The following CRADD variants were observed in gnomAD, a reference collection of about 807,000 sequenced individuals.
CRADD encodes the protein CARD and death domain containing adaptor protein, also known as death domain-containing protein CRADD.
A neutral mutation model predicts 15.5 loss-of-function variants in CRADD; 9 were observed. That is an observed-to-expected ratio of 0.58 (90% confidence interval 0.35 to 1.01). CRADD has a LOEUF of 1.01. CRADD is among the 50% of genes least tolerant of loss of function. The probability of loss-of-function intolerance (pLI) is 0.02; values close to 1 mark genes in which losing one functional copy is unlikely to be tolerated. For missense variants in CRADD, 227 were observed against 250.3 expected, an observed-to-expected ratio of 0.91 and a Z score of 0.63; for synonymous variants, 118 against 107.6, an observed-to-expected ratio of 1.10 and a Z score of -0.60.
At chr12:93,813,014 C>A (rs1164574945) in intron 2 of CRADD, among the ~76,000 whole-genome samples, 3 of 151,926 alleles carry the variant, frequency 2.0e-5, no homozygotes, top group Middle Eastern at 6.3e-3. Flanking sequence ...CAAATTAGTG[C>A]GGGAAGAAAA....
At chr12:93,739,675 G>A (rs1191855943) in intron 2 of CRADD, among the ~76,000 whole-genome samples, 3 of 152,056 alleles carry the variant, frequency 2.0e-5, no homozygotes, top group Admixed American at 6.5e-5. Context: ...TTTTGAAATG[G>A]GGAAAGGGAA....
At chr12:93,886,162 C>CATTTTTTTTTTTTTTTTTTTT (rs1555231623) in intron 2 of CRADD, among the ~76,000 whole-genome samples, 1 of 123,948 alleles carries the variant, frequency 8.1e-6, no homozygotes, top group African/African-American at 3.0e-5. Flanking sequence ...GCTGCTGATG[C>CATTTTTTTTTTTTTTTTTTTT]TTTTTTTTTT....
downstream of CRADD, among the ~76,000 whole-genome samples, chr12:93,852,780 G>A (rs1212408118): frequency 6.6e-6 from 1 of 152,060 alleles, no homozygotes; most frequent in East Asian, 1.9e-4. Flanking sequence ...AGCATTTGCC[G>A]GCACTGACAG....
At chr12:93,892,312 T>G (rs1437866015) in intron 2 of CRADD, among the ~76,000 whole-genome samples, 1 of 152,228 alleles carries the variant, frequency 6.6e-6, no homozygotes, top group Non-Finnish European at 1.5e-5. Flanking sequence ...AATTTTCACT[T>G]AAAAATATTG....
At chr12:93,718,837 G>A (rs1277910827) in intron 2 of CRADD, among the ~76,000 whole-genome samples, 1 of 151,514 alleles carries the variant, frequency 6.6e-6, no homozygotes, top group Admixed American at 6.6e-5. Context: ...ATGGCTCACT[G>A]CAGCCTTGAT....
intron 1 of CRADD, among the ~76,000 whole-genome samples, 157 bp from the exon 2 acceptor site, chr12:93,678,612 C>T (rs1450908387): frequency 6.6e-6 from 1 of 152,148 alleles, no homozygotes; most frequent in Non-Finnish European, 1.5e-5. Context: ...CAAAATTAAC[C>T]TGGCTTGGCT....
chr12:93,810,687 G>A (rs889137374), intron 2 of CRADD, among the ~76,000 whole-genome samples: 7 of 150,760 alleles, frequency 4.6e-5, no homozygotes, highest in Admixed American at 2.6e-4. Flanking sequence ...CTTGTGAAAC[G>A]GGCTCCATGT....
At chr12:93,869,637 T>C (rs1174323417) in intron 2 of CRADD, among the ~76,000 whole-genome samples, 1 of 151,884 alleles carries the variant, frequency 6.6e-6, no homozygotes, top group Non-Finnish European at 1.5e-5. Flanking sequence ...AAAAATACAA[T>C]ACCTGAAATG....
intron 2 of CRADD, among the ~76,000 whole-genome samples, chr12:93,822,880 ATC>A (rs762723998): frequency 1.3e-5 from 2 of 152,180 alleles, no homozygotes; most frequent in Non-Finnish European, 2.9e-5. Context: ...TTTCTTTCAA[ATC>A]TCTGTGCAAT....
At chr12:93,768,271 T>C (rs562659815) in intron 2 of CRADD, among the ~76,000 whole-genome samples, 13 of 152,344 alleles carry the variant, frequency 8.5e-5, no homozygotes, top group African/African-American at 2.4e-4. Flanking sequence ...ACTGAAAGAT[T>C]TGAAAATAAA....
intron 2 of CRADD, chr12:93,708,654 T>A (rs1956001480): frequency 6.6e-6 from 1 of 152,294 alleles, no homozygotes; most frequent in African/African-American, 2.4e-5. Flanking sequence ...TTTATCTCCA[T>A]GAAGCCAGGG....
At chr12:93,780,167 C>T (rs903208527) in intron 2 of CRADD, among the ~76,000 whole-genome samples, 3 of 151,480 alleles carry the variant, frequency 2.0e-5, no homozygotes, top group Non-Finnish European at 2.9e-5. Context: ...TAAAATATGA[C>T]GAAAAACAGA....
At chr12:93,871,855 C>T (rs1179309243) in intron 2 of CRADD, among the ~76,000 whole-genome samples, 2 of 152,176 alleles carry the variant, frequency 1.3e-5, no homozygotes, top group African/African-American at 4.8e-5. Flanking sequence ...CTATTGTAGA[C>T]AGTGCTGCAA....
chr12:93,684,704 T>G (rs1955393509), intron 2 of CRADD, among the ~76,000 whole-genome samples: 1 of 152,156 alleles, frequency 6.6e-6, no homozygotes, highest in East Asian at 1.9e-4. Context: ...AGAAGCGGTA[T>G]GTGTGGTGGT....
In CRADD at chr12:93,702,877, C is replaced by T. The variant is rs146016645; in HGVS notation, c.298+23805C>T. 2.4e-3 allele frequency among the ~76,000 whole-genome samples: 363 copies of T among 152,268 alleles called. 6 individuals are homozygous for T. The highest frequency in any genetic ancestry group is 5.0e-4 in the Non-Finnish European group (34 of 68,026). ...AGAGTTCTCTGGAGGCTCTTGAGAG[C>T]TGTGGCCTTGGTTAAATTGGACAGA... On this transcript the variant is annotated intron_variant, in intron 2 of 2. Coordinates refer to ENST00000332896, the MANE Select transcript of CRADD (RefSeq NM_003805.5).
intron 1 of CRADD, among the ~76,000 whole-genome samples, chr12:93,678,331 G>A (rs1472514318): frequency 6.6e-6 from 1 of 152,212 alleles, no homozygotes; most frequent in Non-Finnish European, 1.5e-5. Flanking sequence ...GTCCACCTTG[G>A]CAGTTTCTGC....
intron 2 of CRADD, among the ~76,000 whole-genome samples, chr12:93,794,777 G>T (rs1328624301): frequency 6.6e-6 from 1 of 152,162 alleles, no homozygotes; most frequent in Non-Finnish European, 1.5e-5. Flanking sequence ...GAACTCCTTT[G>T]TGATGTACCT....
chr12:93,881,276 T>C (rs972962155), intron 2 of CRADD, among the ~76,000 whole-genome samples: 1 of 152,068 alleles, frequency 6.6e-6, no homozygotes, highest in African/African-American at 2.4e-5. Flanking sequence ...TTAAAAAAGG[T>C]TCAGGCAGCA....
intron 2 of CRADD, among the ~76,000 whole-genome samples, chr12:93,839,270 A>G (rs1193098948): frequency 6.6e-6 from 1 of 152,176 alleles, no homozygotes; most frequent in African/African-American, 2.4e-5. Context: ...ATTACCTCAT[A>G]TAAACAACCT....
Sources: gnomAD v4.1 joint callset for allele counts (sites outside exome capture counted in the v4.1 genomes callset) on GRCh38, gnomAD v4.1.1 for gene constraint, MANE v1.5 for transcripts, NCBI Gene and HGNC (gene_info 2026-07-23, HGNC 2026-07-21) for gene names.